Variants in SYNE2 observed in about 807,000 individuals in gnomAD.
SYNE2 encodes nesprin-2.
In SYNE2, 431 loss-of-function variants were observed where a neutral mutation model predicts 856.3. The observed-to-expected ratio is 0.50, with a 90% confidence interval of 0.47 to 0.55. The LOEUF (loss-of-function observed/expected upper bound fraction) is 0.55. Among genes scored for constraint, SYNE2 ranks in the 20% least tolerant of loss-of-function variants. The pLI is 0.00. For missense variants in SYNE2, 8,129 were observed against 8,023.2 expected, an observed-to-expected ratio of 1.01 and a Z score of -0.50; for synonymous variants, 2,923 against 2,872.3, an observed-to-expected ratio of 1.02 and a Z score of -0.56.
intron 1 of SYNE2, among the ~76,000 whole-genome samples, chr14:63,884,818 T>TA (rs2094945068): frequency 2.7e-5 from 4 of 150,836 alleles, no homozygotes; most frequent in African/African-American, 7.4e-5. Flanking sequence ...ATATATATAT[T>TA]TTTAGTAGAG....
intron 73 of SYNE2, among the ~76,000 whole-genome samples, chr14:64,127,829 G>A (rs1447705996): frequency 1.3e-5 from 2 of 152,234 alleles, no homozygotes; most frequent in African/African-American, 4.8e-5. Context: ...AAGAAGAACA[G>A]GTTAAACAGC....
chr14:63,767,820 A>T (rs972798049), intron 1 of SYNE2, among the ~76,000 whole-genome samples: 1 of 152,200 alleles, frequency 6.6e-6, no homozygotes, highest in Non-Finnish European at 1.5e-5. Context: ...GAATTAATAA[A>T]AACTCATCTC....
chr14:64,018,636 T>A (rs1300711588), intron 34 of SYNE2, among the ~76,000 whole-genome samples: 1 of 152,198 alleles, frequency 6.6e-6, no homozygotes, highest in Non-Finnish European at 1.5e-5. Context: ...GTTGGAGAAT[T>A]GAAAACAGCG....
At chr14:63,783,872 G>GAAAATT (rs1887417217) in intron 1 of SYNE2, among the ~76,000 whole-genome samples, 1 of 152,176 alleles carries the variant, frequency 6.6e-6, no homozygotes, top group African/African-American at 2.4e-5. Context: ...AATTTGAACA[G>GAAAATT]GGACTGTAGA....
intron 1 of SYNE2, among the ~76,000 whole-genome samples, chr14:63,890,173 C>T (rs1302880781): frequency 2.6e-5 from 4 of 151,552 alleles, no homozygotes; most frequent in African/African-American, 9.7e-5. Flanking sequence ...GGTGATCCTC[C>T]CACCTCAGGC....
chr14:63,949,722 C>G, intron 6 of SYNE2, 103 bp from the exon 7 acceptor site: 1 of 1,138,860 alleles, frequency 8.8e-7, no homozygotes. Flanking sequence ...TAAACTATGA[C>G]TGTCACAGGA....
At chr14:64,041,726 T>G (rs1567134147) in intron 45 of SYNE2, among the ~76,000 whole-genome samples, 2 of 151,924 alleles carry the variant, frequency 1.3e-5, no homozygotes, top group African/African-American at 4.8e-5. Context: ...GGTGTGTGCC[T>G]GTGGTCCCAC....
At chr14:64,032,460 G>T (rs1278533252) in intron 45 of SYNE2, among the ~76,000 whole-genome samples, 1 of 152,126 alleles carries the variant, frequency 6.6e-6, no homozygotes, top group Non-Finnish European at 1.5e-5. Context: ...TCCTTGGGAG[G>T]CTGAGATGGG....
intron 1 of SYNE2, 66 bp from the exon 2 acceptor site, chr14:63,909,032 C>A: frequency 1.2e-6 from 1 of 804,650 alleles, no homozygotes; most frequent in Non-Finnish European, 2.2e-6. Flanking sequence ...TGTTTTCTGG[C>A]AATGCATGTT....
chr14:64,105,174 A>G (rs965607506), intron 64 of SYNE2, among the ~76,000 whole-genome samples: 2 of 152,154 alleles, frequency 1.3e-5, no homozygotes, highest in African/African-American at 4.8e-5. Flanking sequence ...TAGCCCTCTA[A>G]TTGGTTTACA....
chr14:63,999,182 G>A, intron 27 of SYNE2, 142 bp downstream of exon 27: 1 of 851,382 alleles, frequency 1.2e-6, no homozygotes, highest in Admixed American at 2.1e-5. Flanking sequence ...TGCATTTCTA[G>A]TGTCACCCTA....
intron 51 of SYNE2, among the ~76,000 whole-genome samples, chr14:64,070,423 C>T (rs2097396728): frequency 6.6e-6 from 1 of 152,122 alleles, no homozygotes; most frequent in African/African-American, 2.4e-5. Context: ...TTCAGCCCAC[C>T]ACAGCAGTAC....
At chr14:63,950,730 C>T (rs1004236924) in intron 7 of SYNE2, among the ~76,000 whole-genome samples, 4 of 152,094 alleles carry the variant, frequency 2.6e-5, no homozygotes. Flanking sequence ...GATTGTGGCT[C>T]ACTACAGCCT....
rs367802102 is a variant in SYNE2, at chr14:64,052,642, G to T, written c.8729G>T (p.Arg2910Ile). 8 of 1,613,988 alleles carry T rather than the reference G, an allele frequency of 5.0e-6. No homozygotes were observed. The highest frequency in any genetic ancestry group is 1.6e-4 in the Middle Eastern group (1 of 6,062). ...TATGAGGAGCTGAATGTGTTTGAAA[G>T]ATTATTTCTGGAAGATCAGTTGAAA... ...NIYEELNVFE[R>I]LFLEDQLKNL... The change falls in exon 48 of 116, where the codon AGA becomes ATA. Residue 2910 changes from arginine (R) to isoleucine (I), a missense_variant. Coordinates refer to ENST00000555002, the MANE Select transcript of SYNE2 (RefSeq NM_182914.3).
intron 66 of SYNE2, among the ~76,000 whole-genome samples, chr14:64,117,153 G>C (rs187577973): frequency 6.6e-6 from 1 of 152,308 alleles, no homozygotes; most frequent in East Asian, 1.9e-4. Flanking sequence ...GATGGCTACA[G>C]AGTGAGTATC....
intron 1 of SYNE2, among the ~76,000 whole-genome samples, chr14:63,868,919 C>G (rs1595312318): frequency 6.6e-6 from 1 of 152,310 alleles, no homozygotes; most frequent in East Asian, 1.9e-4. Flanking sequence ...TTTGGCCTCT[C>G]CAATTGAACT....
intron 1 of SYNE2, among the ~76,000 whole-genome samples, chr14:63,903,847 T>A (rs2095371352): frequency 6.6e-6 from 1 of 152,108 alleles, no homozygotes; most frequent in African/African-American, 2.4e-5. Flanking sequence ...TTCTATATAT[T>A]TTTTTAAATT....
intron 1 of SYNE2, among the ~76,000 whole-genome samples, chr14:63,783,895 G>A (rs1468161200): frequency 6.6e-6 from 1 of 152,136 alleles, no homozygotes; most frequent in Non-Finnish European, 1.5e-5. Flanking sequence ...CAATAGTATG[G>A]TATCAACGCT....
At chr14:64,076,955 G>A (rs1048631828) in intron 54 of SYNE2, among the ~76,000 whole-genome samples, 18 of 151,886 alleles carry the variant, frequency 1.2e-4, no homozygotes, top group African/African-American at 3.6e-4. Flanking sequence ...AACCTATTTC[G>A]TACTTTCTCA....
Sources: gnomAD v4.1 joint callset for allele counts (sites outside exome capture counted in the v4.1 genomes callset) on GRCh38, gnomAD v4.1.1 for gene constraint, MANE v1.5 for transcripts, NCBI Gene and HGNC (gene_info 2026-07-23, HGNC 2026-07-21) for gene names.